ADAMTS14: variants seen among roughly 807,000 people sequenced by gnomAD.
The protein encoded by ADAMTS14 is ADAM metallopeptidase with thrombospondin type 1 motif 14.
ADAMTS14 carries 100 observed loss-of-function variants against 128.6 expected under a neutral mutation model. The ratio of observed to expected loss-of-function variants is 0.78; its 90% CI spans 0.66 to 0.92. ADAMTS14 has a LOEUF of 0.92. Ranked by LOEUF, ADAMTS14 falls within the 40% of genes least tolerant of loss-of-function variation. ADAMTS14 has a pLI of 0.00. For synonymous variants in ADAMTS14, 665 were observed against 653.8 expected (o/e 1.02, Z -0.26); for missense variants, 1,562 against 1,658.6 (o/e 0.94, Z 1.01).
chr10:70,675,842 G>A (rs1266730652), intron 2 of ADAMTS14, among the ~76,000 whole-genome samples: 1 of 152,152 alleles, frequency 6.6e-6, no homozygotes, highest in Admixed American at 6.5e-5. Flanking sequence ...GCTCTTCCCT[G>A]CCCCAGAGAC....
intron 4 of ADAMTS14, among the ~76,000 whole-genome samples, chr10:70,712,082 A>G (rs989443048): frequency 3.9e-5 from 6 of 152,150 alleles, no homozygotes; most frequent in African/African-American, 1.2e-4. Flanking sequence ...GAGGACGCCT[A>G]TGAATCTGAA....
At chr10:70,719,305 A>G (rs74618348) in intron 4 of ADAMTS14, among the ~76,000 whole-genome samples, 14,336 of 151,940 alleles carry the variant, frequency 0.094, 800 homozygotes, top group East Asian at 0.19. Context: ...ACCCTCCTGC[A>G]AAGAGAGTTT....
chr10:70,754,197 C>G (rs918127082), intron 19 of ADAMTS14, among the ~76,000 whole-genome samples, 190 bp downstream of exon 19: 15 of 152,350 alleles, frequency 9.8e-5, no homozygotes, highest in Admixed American at 9.2e-4. Flanking sequence ...TAGGTTCATT[C>G]ATTCCTGCCA....
intron 21 of ADAMTS14, among the ~76,000 whole-genome samples, chr10:70,759,299 G>GCC (rs1007782135): frequency 1.3e-5 from 2 of 151,560 alleles, no homozygotes; most frequent in African/African-American, 4.9e-5. Context: ...CCCTAAGCCT[G>GCC]CCCCTCCACC....
intron 4 of ADAMTS14, among the ~76,000 whole-genome samples, chr10:70,715,417 G>A (rs910140075): frequency 6.6e-6 from 1 of 152,090 alleles, no homozygotes; most frequent in Admixed American, 6.6e-5. Flanking sequence ...CACATGCATG[G>A]TTTCTGGGCA....
At chr10:70,731,091 C>CACAT (rs1554820562) in intron 6 of ADAMTS14, among the ~76,000 whole-genome samples, 22,600 of 150,956 alleles carry the variant, frequency 0.15, 2,034 homozygotes, top group Non-Finnish European at 0.21. Flanking sequence ...CACACACACA[C>CACAT]GTACAGACAT....
At chr10:70,699,808 G>C (rs1054868755) in intron 2 of ADAMTS14, among the ~76,000 whole-genome samples, 13 of 152,164 alleles carry the variant, frequency 8.5e-5, no homozygotes, top group African/African-American at 3.1e-4. Context: ...TGTGTGGGAG[G>C]GGCTGAACAG....
At chr10:70,730,401 A>G (rs750512579) in intron 6 of ADAMTS14, 152 bp downstream of exon 6, 131 of 1,151,546 alleles carry the variant, frequency 1.1e-4, no homozygotes, top group Non-Finnish European at 1.5e-4. Flanking sequence ...GAGCTTTGCA[A>G]TGGTTTATTG....
intron 2 of ADAMTS14, among the ~76,000 whole-genome samples, chr10:70,690,993 C>T (rs1840167274): frequency 6.9e-6 from 1 of 144,696 alleles, no homozygotes; most frequent in African/African-American, 2.4e-5. Context: ...CTCAGAGCCG[C>T]TTGGCTCCTG....
chr10:70,684,347 C>T lies in ADAMTS14; in HGVS notation c.522+9352C>T, dbSNP rs552949651. 7.9e-5 allele frequency among the ~76,000 whole-genome samples: 12 copies of T among 152,308 alleles called. No homozygotes were observed. The South Asian group carries it at 2.5e-3, about 32-fold the overall frequency. On this transcript the variant is annotated intron_variant, in intron 2 of 21. Transcript: ENST00000373207. Reference sequence around the variant, plus strand: ...GTGGGGACACAGATCCAAACCATATCATGGCATAAGATCACTTCTGCACCT... The same window carrying T: ...GTGGGGACACAGATCCAAACCATATTATGGCATAAGATCACTTCTGCACCT...
chr10:70,744,499 G>T (rs1842114223), intron 14 of ADAMTS14, among the ~76,000 whole-genome samples: 1 of 152,196 alleles, frequency 6.6e-6, no homozygotes, highest in Non-Finnish European at 1.5e-5. Flanking sequence ...TGGGTGGGAG[G>T]CATCAGACAG....
At position 70,744,196 on chromosome 10, in the gene ADAMTS14, C is replaced by A; in HGVS notation, c.2182+7C>A. 1 of 1,521,220 alleles carries A rather than the reference C, an allele frequency of 6.6e-7. No individual in the cohort carries two copies. The highest frequency in any genetic ancestry group is 1.3e-5 in the South Asian group (1 of 79,944). 94.2% of individuals were successfully genotyped at this position (1,521,220 alleles called of 1,614,324 possible). ...AAGGCCTCCAAGCAGGCAGGTGAGC[C>A]GGGCTGGGGCTGGGGGGATGACGAG... On this transcript the variant is annotated splice_region_variant and intron_variant, in intron 14 of 21. Transcript: ENST00000373207.
At chr10:70,731,549 C>T (rs1473651419) in intron 6 of ADAMTS14, among the ~76,000 whole-genome samples, 2 of 152,194 alleles carry the variant, frequency 1.3e-5, no homozygotes, top group Admixed American at 6.5e-5. Flanking sequence ...TAGCTGGTGC[C>T]GGCCCCCCTG....
chr10:70,729,309 C>T lies in ADAMTS14; in HGVS notation c.886C>T (p.His296Tyr). The T allele has an allele frequency of 6.2e-7, 1 of 1,613,754 alleles. No homozygotes were observed. Among genetic ancestry groups the T allele is most frequent in the Non-Finnish European group, 8.5e-7 (1 of 1,179,806 alleles). The change falls in exon 5 of 22, where the codon CAC becomes TAC. Residue 296 changes from histidine to tyrosine, a missense_variant. Physicochemically the swap from His to Tyr is moderately conservative, Grantham distance 83. Transcript: ENST00000373207. The stretch of plus-strand genomic sequence containing the variant: ...CTTCTTGCAGGTAGATGAGATTTAC[C>T]ACGATGAGTCCCTGGGGGTTCATAT... Reference protein sequence around the residue: ...TLMNIVDEIYHDESLGVHINI... With the variant: ...TLMNIVDEIYYDESLGVHINI...
At chr10:70,721,032 T>C (rs1324421296) in intron 4 of ADAMTS14, among the ~76,000 whole-genome samples, 1 of 143,798 alleles carries the variant, frequency 7.0e-6, no homozygotes, top group Non-Finnish European at 1.5e-5. Context: ...TTTTTTTTTT[T>C]TTTTTTTTTT....
chr10:70,738,878 G>A lies in ADAMTS14; in HGVS notation c.1636G>A (p.Glu546Lys). ...AGGTCACTGCATCTGGAAGTCGCCG[G>A]AGCAGACATATGGCCAGGATGGAGG... ...FKGHCIWKSP[E>K]QTYGQDGGWS... Residue 546 changes from glutamate to lysine, a missense_variant, in exon 11 of 22, where the codon GAG (glutamate) becomes AAG (lysine). By Grantham distance (56) the Glu-to-Lys change is moderately conservative. Coordinates refer to ENST00000373207, the MANE Select transcript of ADAMTS14 (RefSeq NM_080722.4). The A allele has an allele frequency of 6.2e-7, 1 of 1,614,122 alleles. No homozygotes were observed. Among genetic ancestry groups the A allele is most frequent in the East Asian group, 2.2e-5 (1 of 44,882 alleles).
At chr10:70,698,856 G>A (rs1840411139) in intron 2 of ADAMTS14, among the ~76,000 whole-genome samples, 1 of 152,160 alleles carries the variant, frequency 6.6e-6, no homozygotes, top group South Asian at 2.1e-4. Context: ...CCCGGACCCA[G>A]GGTCCTGCGG....
chr10:70,719,760 A>G (rs972753246), intron 4 of ADAMTS14, among the ~76,000 whole-genome samples: 1 of 152,188 alleles, frequency 6.6e-6, no homozygotes, highest in African/African-American at 2.4e-5. Flanking sequence ...GCTATGGGCC[A>G]GGCCTGGTTT....
chr10:70,721,622 C>A (rs761767526), intron 4 of ADAMTS14, among the ~76,000 whole-genome samples: 1 of 151,320 alleles, frequency 6.6e-6, no homozygotes, highest in Non-Finnish European at 1.5e-5. Context: ...CTCCTGACCT[C>A]GTGATCCACC....
Sources: gnomAD v4.1 joint callset for allele counts (sites outside exome capture counted in the v4.1 genomes callset) on GRCh38, gnomAD v4.1.1 for gene constraint, MANE v1.5 for transcripts, NCBI Gene and HGNC (gene_info 2026-07-23, HGNC 2026-07-21) for gene names.